SLCO1A2: variants seen among roughly 807,000 people sequenced by gnomAD.
SLCO1A2 encodes the protein solute carrier organic anion transporter family member 1A2.
SLCO1A2 carries 67 observed loss-of-function variants against 69.0 expected under a neutral mutation model. The ratio of observed to expected loss-of-function variants is 0.97; its 90% CI spans 0.80 to 1.19. SLCO1A2 has a LOEUF of 1.19. Ranked by LOEUF, SLCO1A2 falls within the 50% of genes most tolerant of loss-of-function variation. SLCO1A2 has a pLI of 0.00. For synonymous variants in SLCO1A2, 260 were observed against 265.9 expected, an observed-to-expected ratio of 0.98 and a Z score of 0.22; for missense variants, 787 against 793.7, an observed-to-expected ratio of 0.99 and a Z score of 0.10.
intron 2 of SLCO1A2, among the ~76,000 whole-genome samples, chr12:21,322,172 C>T (rs1951714353): frequency 6.6e-6 from 1 of 152,212 alleles, no homozygotes; most frequent in Non-Finnish European, 1.5e-5. Context: ...GGCTTATAAA[C>T]AACAGAAATG....
intron 8 of SLCO1A2, among the ~76,000 whole-genome samples, chr12:21,299,867 CGTGTGTGT>C (rs1948418486): frequency 9.5e-6 from 1 of 105,456 alleles, no homozygotes; most frequent in African/African-American, 3.7e-5. Context: ...TATATATATA[CGTGTGTGT>C]ATATATATAT....
upstream of SLCO1A2, among the ~76,000 whole-genome samples, chr12:21,398,845 C>T (rs1356981575): frequency 6.7e-6 from 1 of 148,600 alleles, no homozygotes; most frequent in Non-Finnish European, 1.5e-5. Context: ...TAAAAACTCT[C>T]AATAAATTAG....
upstream of SLCO1A2, among the ~76,000 whole-genome samples, chr12:21,399,886 T>G (rs1941627847): frequency 6.7e-6 from 1 of 149,998 alleles, no homozygotes; most frequent in Non-Finnish European, 1.5e-5. Flanking sequence ...CAAGATGGAT[T>G]AAAGACTTAA....
chr12:21,371,656 C>G (rs1939799883), intron 2 of SLCO1A2, among the ~76,000 whole-genome samples: 1 of 152,144 alleles, frequency 6.6e-6, no homozygotes, highest in African/African-American at 2.4e-5. Context: ...ATTTGCTTTA[C>G]ATGACACTAA....
At chr12:21,366,340 A>T (rs947171702) in intron 2 of SLCO1A2, among the ~76,000 whole-genome samples, 8 of 144,342 alleles carry the variant, frequency 5.5e-5, no homozygotes, top group African/African-American at 2.0e-4. Flanking sequence ...ATAGGTGAGA[A>T]TTGAACAATG....
In SLCO1A2 at chr12:21,267,145, C is replaced by G. The variant is rs1298264628; in HGVS notation, c.*2403G>C. 2 of 152,118 alleles carry G rather than the reference C, an allele frequency of 1.3e-5. No individual in the cohort carries two copies. The highest frequency in any genetic ancestry group is 6.6e-5 in the Admixed American group (1 of 15,238). 9.4% of individuals were successfully genotyped at this position (152,118 alleles called of 1,614,324 possible). A position where few individuals can be genotyped will look rare whatever the true frequency, so the allele number is the denominator to read the frequency against. ...CCCAAAGCACTCCAACACCCACTTT[C>G]TCTGACCTGCTTTCTCCCACCAAGA... is the stretch of plus-strand genomic sequence containing the variant. On this transcript the variant is annotated 3_prime_UTR_variant, in exon 15 of 15. Transcript: ENST00000683939.
Position 21,268,134 on chromosome 12 carries a change from C to T in SLCO1A2, c.*1414G>A, listed in dbSNP as rs571997658. On this transcript the variant is annotated 3_prime_UTR_variant, in exon 15 of 15. Transcript: ENST00000683939. ...CTGATCATTTAGGAAATCATATTAA[C>T]CTGTAAAGCATCTGTACAAAGTCCT... The T allele has an allele frequency of 3.9e-5, 6 of 152,170 alleles. No individual in the cohort carries two copies. The East Asian group carries it at 1.2e-3, about 29-fold the overall frequency. 9.4% of individuals were successfully genotyped at this position (152,170 alleles called of 1,614,324 possible).
chr12:21,279,298 A>G (rs1354762004), intron 12 of SLCO1A2, among the ~76,000 whole-genome samples: 1 of 152,210 alleles, frequency 6.6e-6, no homozygotes, highest in African/African-American at 2.4e-5. Context: ...GATTATTCAA[A>G]GGGATAATAG....
At position 21,306,978 on chromosome 12, in the gene SLCO1A2, C is replaced by A. The variant is rs758031550; in HGVS notation, c.346G>T (p.Glu116Ter). The change falls in exon 5 of 15, where the codon GAA becomes TAA. Residue 116 changes from glutamate to a stop codon, truncating the protein, a stop_gained. Coordinates refer to ENST00000683939, the MANE Select transcript of SLCO1A2 (RefSeq NM_001386879.1). LOFTEE classifies it high-confidence loss of function. ...TTGCCTGAAACTGAAACTGTAGATT[C>A]ATATTCATATCTGTATAAACACAGG... ...PHFLMNQYEY[E>*]STVSVSGNLS... 3 of 1,608,396 alleles carry A rather than the reference C, an allele frequency of 1.9e-6. No individual in the cohort carries two copies. The highest frequency in any genetic ancestry group is 2.6e-6 in the Non-Finnish European group (3 of 1,174,952).
chr12:21,380,386 C>G (rs1169229810), intron 1 of SLCO1A2, among the ~76,000 whole-genome samples: 2 of 152,150 alleles, frequency 1.3e-5, no homozygotes, highest in Non-Finnish European at 2.9e-5. Flanking sequence ...ACCCAACAAC[C>G]TCTGGTGCTA....
chr12:21,350,707 C>T (rs571985720), intron 2 of SLCO1A2, among the ~76,000 whole-genome samples: 31 of 151,450 alleles, frequency 2.0e-4, no homozygotes, highest in Admixed American at 1.7e-3. Flanking sequence ...CGTGGTGGCA[C>T]GCACCTGTAG....
chr12:21,418,629 C>G (rs188246874), upstream of SLCO1A2, among the ~76,000 whole-genome samples: 17 of 152,206 alleles, frequency 1.1e-4, no homozygotes, highest in Non-Finnish European at 2.4e-4. Flanking sequence ...TTATTCACTA[C>G]CACGAGAACA....
chr12:21,314,560 G>C lies in SLCO1A2; in HGVS notation c.324C>G (p.Phe108Leu). The C allele has an allele frequency of 1.2e-6, 2 of 1,614,056 alleles. No homozygotes were observed. Among genetic ancestry groups the C allele is most frequent in the Non-Finnish European group, 1.7e-6 (2 of 1,179,964 alleles). The part of the protein sequence containing the change: ...LGCFLKSLPH[F>L]LMNQYEYEST... ...ACTGGAGTACTTACTGGTTCATGAG[G>C]AAATGAGGTAGTGATTTTAAGAAAC... The change falls in exon 4 of 15, where the codon TTC (phenylalanine) becomes TTG (leucine). Residue 108 changes from phenylalanine to leucine, a missense_variant. Transcript: ENST00000683939.
At position 21,272,075 on chromosome 12, in the gene SLCO1A2, G is replaced by A. The variant is rs549196661; in HGVS notation, c.1794-2308C>T. ...CTTTTCCACTTTTCAAACATTTGGG[G>A]TTTGGGAATTTTTTATTATAGACTT... On this transcript the variant is annotated intron_variant, in intron 14 of 14. Transcript: ENST00000683939. Among the ~76,000 whole-genome samples, 676 of 151,416 alleles carry A rather than the reference G, an allele frequency of 4.5e-3. 2 individuals carry two copies. Among genetic ancestry groups the A allele is most frequent in the Non-Finnish European group, 7.3e-3 (495 of 67,660 alleles).
At chr12:21,401,615 AT>A (rs1167550506) in intron 1 of SLCO1A2, among the ~76,000 whole-genome samples, 8 of 151,740 alleles carry the variant, frequency 5.3e-5, no homozygotes, top group Non-Finnish European at 8.8e-5. Context: ...ATTTTAAATG[AT>A]TTTTAATTTT....
chr12:21,319,264 C>A, intron 2 of SLCO1A2: 2 of 1,090,342 alleles, frequency 1.8e-6, no homozygotes, highest in Non-Finnish European at 2.6e-6. Flanking sequence ...CAAAAGAATT[C>A]ATACATGTAC....
chr12:21,302,031 C>T (rs1429211951), intron 6 of SLCO1A2, among the ~76,000 whole-genome samples: 2 of 152,140 alleles, frequency 1.3e-5, no homozygotes. Flanking sequence ...CTATACACAC[C>T]TAACTTCTTG....
intron 2 of SLCO1A2, among the ~76,000 whole-genome samples, chr12:21,343,783 T>C (rs1280973564): frequency 6.6e-6 from 1 of 152,118 alleles, no homozygotes; most frequent in South Asian, 2.1e-4. Flanking sequence ...TCCCCTAGCT[T>C]ACCTCATGCA....
At chr12:21,380,230 G>A (rs909406917) in intron 1 of SLCO1A2, among the ~76,000 whole-genome samples, 1 of 151,986 alleles carries the variant, frequency 6.6e-6, no homozygotes, top group Non-Finnish European at 1.5e-5. Flanking sequence ...ATATGGATTT[G>A]TTATTTAACA....
Sources: gnomAD v4.1 joint callset for allele counts (sites outside exome capture counted in the v4.1 genomes callset) on GRCh38, gnomAD v4.1.1 for gene constraint, MANE v1.5 for transcripts, NCBI Gene and HGNC (gene_info 2026-07-23, HGNC 2026-07-21) for gene names.